The following TBL1XR1 variants were observed in gnomAD, a reference collection of about 807,000 sequenced individuals.
The protein encoded by TBL1XR1 is F-box-like/WD repeat-containing protein TBL1XR1.
A neutral mutation model predicts 66.9 loss-of-function variants in TBL1XR1; 5 were observed. That is an observed-to-expected ratio of 0.07 (90% CI 0.04 to 0.16). TBL1XR1 has a LOEUF of 0.16. Ranked by LOEUF, TBL1XR1 falls within the 10% of genes least tolerant of loss-of-function variation. The pLI is 1.00. For missense variants in TBL1XR1, 238 were observed against 623.2 expected, an observed-to-expected ratio of 0.38 and a Z score of 6.58; for synonymous variants, 210 against 206.0, an observed-to-expected ratio of 1.02 and a Z score of -0.17.
intron 1 of TBL1XR1, among the ~76,000 whole-genome samples, chr3:177,114,225 A>T (rs1726004567): frequency 6.6e-6 from 1 of 151,642 alleles, no homozygotes; most frequent in African/African-American, 2.4e-5. Flanking sequence ...TCATATATAT[A>T]CATACACATC....
At chr3:177,062,450 C>CA (rs897545844) in intron 3 of TBL1XR1, among the ~76,000 whole-genome samples, 8 of 152,192 alleles carry the variant, frequency 5.3e-5, no homozygotes, top group African/African-American at 1.9e-4. Flanking sequence ...TGCAGGTAGT[C>CA]AGAGGCTCAA....
intron 3 of TBL1XR1, among the ~76,000 whole-genome samples, chr3:177,055,482 T>C (rs910552610): frequency 3.5e-5 from 5 of 142,430 alleles, no homozygotes; most frequent in Middle Eastern, 3.8e-3. Flanking sequence ...AAGATCATAA[T>C]TAAATGCATT....
At chr3:177,186,584 A>G (rs1274954525) in intron 1 of TBL1XR1, among the ~76,000 whole-genome samples, 1 of 152,144 alleles carries the variant, frequency 6.6e-6, no homozygotes, top group Non-Finnish European at 1.5e-5. Context: ...AAGAGAATAA[A>G]ACATCTCTCC....
intron 1 of TBL1XR1, among the ~76,000 whole-genome samples, chr3:177,111,181 A>G (rs1725513266): frequency 6.6e-6 from 1 of 152,096 alleles, no homozygotes; most frequent in Non-Finnish European, 1.5e-5. Flanking sequence ...TTATTCAGGT[A>G]GGTATGCAAA....
intron 1 of TBL1XR1, among the ~76,000 whole-genome samples, chr3:177,119,876 T>G (rs145695630): frequency 6.6e-6 from 1 of 152,220 alleles, no homozygotes; most frequent in African/African-American, 2.4e-5. Flanking sequence ...ATGCAACCAC[T>G]GCCCTTGGTA....
In TBL1XR1 at chr3:177,050,155, T is replaced by C. The variant is rs770779313; in HGVS notation, c.561-17A>G. 3 of 1,611,614 alleles carry C rather than the reference T, an allele frequency of 1.9e-6. No homozygotes were observed. The highest frequency in any genetic ancestry group is 2.2e-5 in the East Asian group (1 of 44,856). Reference sequence around the variant, plus strand: ...TCTCCAGACCTATAAAAGTATGCAATATATTTTAGATCCTCATGACATTCT... The same window carrying C: ...TCTCCAGACCTATAAAAGTATGCAACATATTTTAGATCCTCATGACATTCT... On this transcript the variant is annotated splice_polypyrimidine_tract_variant and intron_variant, in intron 6 of 15. Transcript: ENST00000457928.
rs994970517 is a variant in TBL1XR1 at position 177,161,511 on chromosome 3, G to A, written c.-122+35610C>T. Among the ~76,000 whole-genome samples the A allele has an allele frequency of 2.9e-4, 44 of 152,102 alleles. 1 individual carries two copies. Among genetic ancestry groups the A allele is most frequent in the African/African-American group, 8.7e-4 (36 of 41,412 alleles). On this transcript the variant is annotated intron_variant, in intron 1 of 15. Coordinates refer to ENST00000457928, the MANE Select transcript of TBL1XR1 (RefSeq NM_024665.7). Reference sequence around the variant, plus strand: ...TAAAAGGCACTAATTGGCCAGGCGCGGTGGCTCACGCCTGTAATCCTAGCA... The same window carrying A: ...TAAAAGGCACTAATTGGCCAGGCGCAGTGGCTCACGCCTGTAATCCTAGCA...
chr3:177,191,769 T>C (rs1466135992), intron 1 of TBL1XR1, among the ~76,000 whole-genome samples: 1 of 152,208 alleles, frequency 6.6e-6, no homozygotes, highest in East Asian at 1.9e-4. Flanking sequence ...AGGCAGACCC[T>C]AGGTTCTGCT....
chr3:177,025,865 A>C, intron 15 of TBL1XR1: 1 of 322,156 alleles, frequency 3.1e-6, no homozygotes, highest in Non-Finnish European at 5.7e-6. Flanking sequence ...CAGCTACAGC[A>C]TCAGTAAATA....
intron 1 of TBL1XR1, among the ~76,000 whole-genome samples, chr3:177,150,653 C>G (rs1258756301): frequency 6.6e-6 from 1 of 152,160 alleles, no homozygotes; most frequent in East Asian, 1.9e-4. Flanking sequence ...GTAGTATTCC[C>G]AGCTCTACCT....
intron 1 of TBL1XR1, among the ~76,000 whole-genome samples, chr3:177,191,237 G>C (rs1736105498): frequency 6.6e-6 from 1 of 152,140 alleles, no homozygotes; most frequent in Non-Finnish European, 1.5e-5. Context: ...TCTCCAGCAG[G>C]GGAACTGACA....
At chr3:177,123,185 G>A (rs1920132) in intron 1 of TBL1XR1, among the ~76,000 whole-genome samples, 60,320 of 151,928 alleles carry the variant, frequency 0.4, 12,141 homozygotes, top group Middle Eastern at 0.48. Context: ...TATTGTAATA[G>A]TTTTTTTAAA....
chr3:177,042,074 A>G (rs544865896), intron 10 of TBL1XR1, among the ~76,000 whole-genome samples: 21 of 152,286 alleles, frequency 1.4e-4, no homozygotes, highest in Admixed American at 1.2e-3. Flanking sequence ...TGGAGTGTCT[A>G]GTTTACACGT....
intron 10 of TBL1XR1, among the ~76,000 whole-genome samples, chr3:177,040,195 G>C (rs1217522889): frequency 1.3e-5 from 2 of 152,086 alleles, no homozygotes; most frequent in Non-Finnish European, 2.9e-5. Context: ...CATGCCTATA[G>C]TCCCAGCTAC....
chr3:177,085,497 A>C (rs1722007145), intron 2 of TBL1XR1, among the ~76,000 whole-genome samples: 1 of 152,226 alleles, frequency 6.6e-6, no homozygotes. Flanking sequence ...AACAGATATT[A>C]ATCCTGAGAT....
chr3:177,122,288 TA>T (rs11342009), intron 1 of TBL1XR1, among the ~76,000 whole-genome samples: 86,821 of 142,700 alleles, frequency 0.61, 26,322 homozygotes, highest in African/African-American at 0.71. Context: ...ATAAGACAGA[TA>T]AAAAAAAAAA....
At chr3:177,086,230 T>C (rs1722100505) in intron 2 of TBL1XR1, among the ~76,000 whole-genome samples, 2 of 151,998 alleles carry the variant, frequency 1.3e-5, no homozygotes, top group South Asian at 4.2e-4. Flanking sequence ...ATCTGGAATA[T>C]TATTTCTTAT....
chr3:177,071,604 A>G (rs959174699), intron 2 of TBL1XR1, among the ~76,000 whole-genome samples: 1 of 152,106 alleles, frequency 6.6e-6, no homozygotes, highest in South Asian at 2.1e-4. Flanking sequence ...TATAGTTTTA[A>G]AAAAAAACTG....
chr3:177,109,139 A>G (rs1184827069), intron 1 of TBL1XR1, among the ~76,000 whole-genome samples: 2 of 152,224 alleles, frequency 1.3e-5, no homozygotes, highest in Non-Finnish European at 2.9e-5. Context: ...TAAATTGTAT[A>G]TTTGTAATTA....
Sources: allele counts gnomAD v4.1 joint callset (sites outside exome capture counted in the v4.1 genomes callset), GRCh38; gene constraint gnomAD v4.1.1; transcripts MANE v1.5; gene names NCBI Gene and HGNC (gene_info 2026-07-23, HGNC 2026-07-21).